The following VWC2L variants were observed in gnomAD, a reference collection of about 807,000 sequenced individuals.
VWC2L encodes the protein von Willebrand factor C domain-containing protein 2-like.
VWC2L carries 10 observed loss-of-function variants against 21.6 expected under a neutral mutation model. The observed-to-expected ratio is 0.46, with a 90% CI of 0.29 to 0.78. VWC2L has a LOEUF of 0.78. Among genes scored for constraint, VWC2L ranks in the 30% least tolerant of loss-of-function variants. The pLI is 0.10. For synonymous variants in VWC2L, 96 were observed against 94.3 expected (o/e 1.02, Z -0.10); for missense variants, 209 against 277.1 (o/e 0.75, Z 1.74).
intron 3 of VWC2L, among the ~76,000 whole-genome samples, chr2:214,544,201 T>C (rs1478943812): frequency 6.6e-6 from 1 of 152,200 alleles, no homozygotes; most frequent in Non-Finnish European, 1.5e-5. Context: ...CAGGAATGGA[T>C]TGCCGTGCCA....
chr2:214,567,280 C>T (rs1690075869), intron 3 of VWC2L, among the ~76,000 whole-genome samples: 1 of 152,050 alleles, frequency 6.6e-6, no homozygotes, highest in Admixed American at 6.6e-5. Flanking sequence ...GTAGGAGTCT[C>T]AGCTTTAAAA....
At chr2:214,496,788 G>A (rs1431370450) in intron 3 of VWC2L, among the ~76,000 whole-genome samples, 1 of 152,162 alleles carries the variant, frequency 6.6e-6, no homozygotes, top group Admixed American at 6.6e-5. Context: ...ACTTCTTTCA[G>A]ATTCTATTCT....
intron 3 of VWC2L, among the ~76,000 whole-genome samples, chr2:214,463,047 T>C (rs1703164680): frequency 1.3e-5 from 2 of 152,182 alleles, no homozygotes; most frequent in Admixed American, 6.5e-5. Flanking sequence ...GAACATATCT[T>C]ATCTTGGTGA....
chr2:214,451,875 G>A (rs1045193893), intron 3 of VWC2L, among the ~76,000 whole-genome samples: 1 of 151,824 alleles, frequency 6.6e-6, no homozygotes, highest in Non-Finnish European at 1.5e-5. Context: ...TAATTCTATC[G>A]AGATATAATT....
intron 3 of VWC2L, among the ~76,000 whole-genome samples, chr2:214,499,009 C>CTTTTTTTTT (rs56085205): frequency 2.4e-5 from 2 of 83,454 alleles, no homozygotes; most frequent in Admixed American, 1.5e-4. Flanking sequence ...TCGTACCATT[C>CTTTTTTTTT]TTTTTTTTTT....
At chr2:214,453,268 G>T (rs1321583467) in intron 3 of VWC2L, among the ~76,000 whole-genome samples, 1 of 152,086 alleles carries the variant, frequency 6.6e-6, no homozygotes, top group Non-Finnish European at 1.5e-5. Flanking sequence ...GAAACTGATT[G>T]AAGGGTTTTT....
Position 214,554,410 on chromosome 2 carries a change from A to G in VWC2L, c.521-21262A>G, listed in dbSNP as rs117741839. ...GGGGGCCAGACATGCCTTGCCTGTA[A>G]TCCCAGCACTTTGGGGGCCGAGGCG... On this transcript the variant is annotated intron_variant, in intron 3 of 3. Coordinates refer to ENST00000312504, the MANE Select transcript of VWC2L (RefSeq NM_001080500.4). Among the ~76,000 whole-genome samples, 335 of 152,238 alleles carry G rather than the reference A, an allele frequency of 2.2e-3. 7 individuals are homozygous for G. In the East Asian group the frequency reaches 0.052, roughly 24 times the overall value.
intron 2 of VWC2L, among the ~76,000 whole-genome samples, chr2:214,420,231 A>G (rs912687867): frequency 2.6e-5 from 4 of 152,204 alleles, no homozygotes; most frequent in Non-Finnish European, 5.9e-5. Flanking sequence ...GTTAATGTCC[A>G]ATATTGTAAA....
At chr2:214,483,741 G>T (rs2126198008) in intron 3 of VWC2L, among the ~76,000 whole-genome samples, 1 of 152,282 alleles carries the variant, frequency 6.6e-6, no homozygotes, top group South Asian at 2.1e-4. Flanking sequence ...TCACGTTTGA[G>T]AATGAGACTC....
intron 3 of VWC2L, among the ~76,000 whole-genome samples, chr2:214,575,145 T>C (rs747312027): frequency 2.8e-4 from 42 of 151,754 alleles, no homozygotes; most frequent in African/African-American, 8.9e-4. Flanking sequence ...CATCTGGTCA[T>C]GAATTATTCA....
At chr2:214,465,956 C>A (rs2126190617) in intron 3 of VWC2L, among the ~76,000 whole-genome samples, 1 of 152,278 alleles carries the variant, frequency 6.6e-6, no homozygotes, top group African/African-American at 2.4e-5. Flanking sequence ...CTCTCCCTCC[C>A]CCAAGCACAC....
chr2:214,506,457 A>G (rs1331856849), intron 3 of VWC2L, among the ~76,000 whole-genome samples: 1 of 152,176 alleles, frequency 6.6e-6, no homozygotes, highest in African/African-American at 2.4e-5. Context: ...ATTTCTTAAA[A>G]TCTTAATTCC....
chr2:214,506,992 A>G (rs1039624197), intron 3 of VWC2L, among the ~76,000 whole-genome samples: 2 of 151,940 alleles, frequency 1.3e-5, no homozygotes, highest in Non-Finnish European at 2.9e-5. Context: ...AAAATGTTCT[A>G]TGGAAAAAAA....
intron 3 of VWC2L, among the ~76,000 whole-genome samples, chr2:214,449,728 C>T (rs1254368379): frequency 6.6e-6 from 1 of 152,210 alleles, no homozygotes; most frequent in South Asian, 2.1e-4. Context: ...GGATACCCCT[C>T]AATTGAGAAA....
At chr2:214,487,654 CT>C (rs1419358952) in intron 3 of VWC2L, among the ~76,000 whole-genome samples, 4 of 152,110 alleles carry the variant, frequency 2.6e-5, no homozygotes, top group Non-Finnish European at 5.9e-5. Context: ...TTCCATGAAA[CT>C]TTTGCCCTTG....
intron 2 of VWC2L, among the ~76,000 whole-genome samples, chr2:214,421,050 T>C (rs1373246235): frequency 6.6e-6 from 1 of 152,202 alleles, no homozygotes; most frequent in Admixed American, 6.5e-5. Flanking sequence ...TGGGGAACCT[T>C]TACGTAATTT....
intron 3 of VWC2L, among the ~76,000 whole-genome samples, chr2:214,443,616 A>T (rs753912772): frequency 3.3e-5 from 5 of 152,328 alleles, no homozygotes; most frequent in Non-Finnish European, 5.9e-5. Context: ...ATTGTACATG[A>T]AAAAGCAAAA....
chr2:214,544,004 T>C (rs904621332), intron 3 of VWC2L, among the ~76,000 whole-genome samples: 7 of 152,236 alleles, frequency 4.6e-5, no homozygotes, highest in African/African-American at 1.7e-4. Flanking sequence ...ACGATTGTAC[T>C]TGGCTATTCT....
In VWC2L at chr2:214,463,112, T is replaced by A. The variant is rs564722523; in HGVS notation, c.520+26354T>A. ...TCTGCCATTCTCGGATATAGTACTA[T>A]ATAAATGTCAATTAAGTCAAGATGA... On this transcript the variant is annotated intron_variant, in intron 3 of 3. Coordinates refer to ENST00000312504, the MANE Select transcript of VWC2L (RefSeq NM_001080500.4). 2.3e-3 allele frequency among the ~76,000 whole-genome samples: 345 copies of A among 152,330 alleles called. 4 individuals carry two copies. The highest frequency in any genetic ancestry group is 2.9e-3 in the Non-Finnish European group (196 of 67,994).
Sources: gnomAD v4.1 joint callset for allele counts (sites outside exome capture counted in the v4.1 genomes callset) on GRCh38, gnomAD v4.1.1 for gene constraint, MANE v1.5 for transcripts, NCBI Gene and HGNC (gene_info 2026-07-23, HGNC 2026-07-21) for gene names.